The following PCLO variants were observed in gnomAD, a reference collection of about 807,000 sequenced individuals.
PCLO encodes the protein piccolo presynaptic cytomatrix protein, also known as protein piccolo.
A neutral mutation model predicts 427.5 loss-of-function variants in PCLO; 82 were observed. The observed-to-expected ratio is 0.19, with a 90% CI of 0.16 to 0.23. The LOEUF is 0.23. Among genes scored for constraint, PCLO ranks in the 10% least tolerant of loss-of-function variants. The pLI is 1.00. For missense variants in PCLO, 6,239 were observed against 6,115.9 expected (o/e 1.02, Z -0.67); for synonymous variants, 2,357 against 2,155.4 (o/e 1.09, Z -2.59).
At chr7:82,944,545 T>G (rs1795157810) in intron 6 of PCLO, among the ~76,000 whole-genome samples, 1 of 152,110 alleles carries the variant, frequency 6.6e-6, no homozygotes, top group Non-Finnish European at 1.5e-5. Context: ...AGAGTACTAA[T>G]TTAAGACAGG....
chr7:83,072,511 A>G (rs559406966), intron 3 of PCLO, among the ~76,000 whole-genome samples: 31 of 152,016 alleles, frequency 2.0e-4, no homozygotes, highest in Non-Finnish European at 4.0e-4. Context: ...TATGTCTTCA[A>G]TTGTATGTAA....
At chr7:82,772,511 G>A (rs1790667975) in intron 22 of PCLO, among the ~76,000 whole-genome samples, 1 of 151,970 alleles carries the variant, frequency 6.6e-6, no homozygotes, top group Non-Finnish European at 1.5e-5. Context: ...AATTCTGTAA[G>A]CTTTCATTAA....
At chr7:83,049,380 G>A (rs1269696324) in intron 3 of PCLO, among the ~76,000 whole-genome samples, 1 of 152,144 alleles carries the variant, frequency 6.6e-6, no homozygotes, top group Non-Finnish European at 1.5e-5. Flanking sequence ...CCAATATGTT[G>A]AGAAACAAGA....
chr7:82,774,665 C>T (rs1190376002), intron 22 of PCLO, among the ~76,000 whole-genome samples: 1 of 152,170 alleles, frequency 6.6e-6, no homozygotes, highest in Non-Finnish European at 1.5e-5. Flanking sequence ...TGTCCCCAGA[C>T]ATACTTAGCC....
intron 3 of PCLO, among the ~76,000 whole-genome samples, chr7:83,054,664 A>G (rs913458641): frequency 6.6e-6 from 1 of 152,072 alleles, no homozygotes; most frequent in African/African-American, 2.4e-5. Context: ...CATCAAGGTC[A>G]AAATTTACAT....
At chr7:83,151,186 G>A (rs1045635358) in intron 2 of PCLO, among the ~76,000 whole-genome samples, 4 of 151,922 alleles carry the variant, frequency 2.6e-5, no homozygotes, top group Non-Finnish European at 5.9e-5. Flanking sequence ...TTTTGATTGC[G>A]TTTTTTCTTA....
At chr7:83,019,549 A>G (rs1243458679) in intron 3 of PCLO, among the ~76,000 whole-genome samples, 1 of 151,944 alleles carries the variant, frequency 6.6e-6, no homozygotes, top group Non-Finnish European at 1.5e-5. Flanking sequence ...AGAAATGTTC[A>G]TATGATGGGC....
Position 82,846,526 on chromosome 7 carries a change from A to G in PCLO, c.13831+41T>C, listed in dbSNP as rs147439347. On this transcript the variant is annotated intron_variant, in intron 12 of 24. Transcript: ENST00000333891. ...TGCCTCTGCAATTACTTCTATTTCTATCTCTTTATTTACAGTTGAAACTAG... is the reference window on the plus strand; with the variant it reads ...TGCCTCTGCAATTACTTCTATTTCTGTCTCTTTATTTACAGTTGAAACTAG... The G allele has an allele frequency of 3.9e-4, 504 of 1,278,892 alleles. No homozygotes were observed. The African/African-American group carries it at 6.4e-3, about 16-fold the overall frequency. 79.2% of individuals were successfully genotyped at this position (1,278,892 alleles called of 1,614,324 possible).
chr7:82,966,246 G>A lies in PCLO; in HGVS notation c.3542C>T (p.Ser1181Leu), dbSNP rs1428327419. ...TACCATAGGAGGAATTTTTTCCATT[G>A]ATAGTGTTTCCTTTACTTTTTCCAG... is the stretch of plus-strand genomic sequence containing the variant. Reference protein sequence around the residue: ...VILEKVKETLSMEKIPPMVTT... With the variant: ...VILEKVKETLLMEKIPPMVTT... Residue 1181 changes from serine to leucine, a missense_variant, in exon 4 of 25, where the codon TCA becomes TTA. Coordinates refer to ENST00000333891, the MANE Select transcript of PCLO (RefSeq NM_033026.6). 6.2e-7 allele frequency: 1 copy of A among 1,609,300 alleles called. No individual in the cohort carries two copies. The highest frequency in any genetic ancestry group is 1.1e-5 in the South Asian group (1 of 90,242).
At chr7:83,095,888 T>C (rs1790523050) in intron 3 of PCLO, among the ~76,000 whole-genome samples, 2 of 151,416 alleles carry the variant, frequency 1.3e-5, no homozygotes, top group South Asian at 2.1e-4. Context: ...TTGAAAACTA[T>C]GTAGACTCTT....
chr7:82,926,380 T>A (rs1299597400), intron 6 of PCLO, among the ~76,000 whole-genome samples: 1 of 152,122 alleles, frequency 6.6e-6, no homozygotes, highest in Non-Finnish European at 1.5e-5. Context: ...AATTGAAAAA[T>A]TTTTTAAAGG....
rs552179901 is a variant in PCLO at position 82,991,214 on chromosome 7, GTCTATCTA to G, written c.3301-24735_3301-24728del. The stretch of plus-strand genomic sequence containing the variant: ...ATGTGTCTATTTATAGTATCTATCT[GTCTATCTA>G]TCTATCTATCTGTGTTGTTACCACA... On this transcript the variant is annotated intron_variant, in intron 3 of 24. Transcript: ENST00000333891. Among the ~76,000 whole-genome samples, 9 of 151,978 alleles carry G rather than the reference GTCTATCTA, an allele frequency of 5.9e-5. No individual in the cohort carries two copies. The South Asian group carries it at 8.3e-4, about 14-fold the overall frequency.
At chr7:83,035,553 T>C (rs1333463727) in intron 3 of PCLO, among the ~76,000 whole-genome samples, 1 of 152,166 alleles carries the variant, frequency 6.6e-6, no homozygotes, top group Non-Finnish European at 1.5e-5. Context: ...TTTATGTCCA[T>C]TAGAAACTCA....
intron 16 of PCLO, 70 bp downstream of exon 16, chr7:82,835,597 C>T: frequency 1.6e-6 from 2 of 1,235,798 alleles, no homozygotes; most frequent in Non-Finnish European, 2.3e-6. Flanking sequence ...AGTGAATGTA[C>T]ATAAAAATGC....
intron 22 of PCLO, among the ~76,000 whole-genome samples, chr7:82,800,796 A>C (rs1156786724): frequency 6.6e-6 from 1 of 151,894 alleles, no homozygotes; most frequent in Non-Finnish European, 1.5e-5. Context: ...GGGTTTCGCC[A>C]TGTTGGTCTC....
At chr7:83,079,193 A>G (rs1790033125) in intron 3 of PCLO, among the ~76,000 whole-genome samples, 3 of 152,202 alleles carry the variant, frequency 2.0e-5, no homozygotes, top group Non-Finnish European at 4.4e-5. Flanking sequence ...ATGTGGTAAC[A>G]TCACATGAAT....
chr7:83,150,204 A>G (rs1792094796), intron 2 of PCLO, among the ~76,000 whole-genome samples: 2 of 152,226 alleles, frequency 1.3e-5, no homozygotes, highest in South Asian at 4.1e-4. Flanking sequence ...GATAAAGTAA[A>G]TCAACGAAAA....
intron 22 of PCLO, among the ~76,000 whole-genome samples, chr7:82,786,411 G>T (rs891776602): frequency 6.6e-6 from 1 of 152,036 alleles, no homozygotes; most frequent in African/African-American, 2.4e-5. Context: ...AATCTTAAAA[G>T]TTTGTTTAAA....
At chr7:82,804,267 T>A (rs1282307619) in intron 21 of PCLO, among the ~76,000 whole-genome samples, 1 of 152,032 alleles carries the variant, frequency 6.6e-6, no homozygotes, top group African/African-American at 2.4e-5. Flanking sequence ...CTCTATTGAA[T>A]CCATAGACTA....
Sources: gnomAD v4.1 joint callset for allele counts (sites outside exome capture counted in the v4.1 genomes callset) on GRCh38, gnomAD v4.1.1 for gene constraint, MANE v1.5 for transcripts, NCBI Gene and HGNC (gene_info 2026-07-23, HGNC 2026-07-21) for gene names.